PTPN14: variants seen among roughly 807,000 people sequenced by gnomAD.
PTPN14 encodes tyrosine-protein phosphatase non-receptor type 14.
PTPN14 carries 53 observed loss-of-function variants against 126.8 expected under a neutral mutation model. The ratio of observed to expected loss-of-function variants is 0.42; its 90% CI spans 0.34 to 0.53. The LOEUF is 0.53. Ranked by LOEUF, PTPN14 falls within the 20% of genes least tolerant of loss-of-function variation. The pLI is 0.08. For missense variants in PTPN14, 1,257 were observed against 1,552.9 expected (o/e 0.81, Z 3.20); for synonymous variants, 630 against 599.3 (o/e 1.05, Z -0.75).
rs1054125508 is a variant in PTPN14, at chr1:214,517,826, T to C, written c.-155+33357A>G. ...CAGGAGTCGTGGCACATGCCTGTAA[T>C]CCCAGCTACTCTAGAGGCTAAGGTG... On this transcript the variant is annotated intron_variant, in intron 1 of 18. Transcript: ENST00000366956. Among the ~76,000 whole-genome samples the C allele has an allele frequency of 2.0e-5, 3 of 152,214 alleles. No individual in the cohort carries two copies. In the East Asian group the frequency reaches 5.8e-4, roughly 29 times the overall value.
At chr1:214,505,595 C>T (rs1455008418) in intron 1 of PTPN14, among the ~76,000 whole-genome samples, 1 of 152,182 alleles carries the variant, frequency 6.6e-6, no homozygotes, top group Non-Finnish European at 1.5e-5. Flanking sequence ...CCTTTCATTA[C>T]TTTTTCTTAA....
chr1:214,375,648 T>A (rs978444515), intron 15 of PTPN14, among the ~76,000 whole-genome samples: 8 of 152,180 alleles, frequency 5.3e-5, no homozygotes, highest in Admixed American at 5.2e-4. Flanking sequence ...ACAACAAAAA[T>A]TTAGTAACAC....
chr1:214,471,296 C>T (rs1053973188), intron 1 of PTPN14, among the ~76,000 whole-genome samples: 3 of 152,016 alleles, frequency 2.0e-5, no homozygotes, highest in Non-Finnish European at 2.9e-5. Context: ...GTTCTAAGAA[C>T]CAAGGTTTAC....
At chr1:214,528,760 A>G (rs1424838944) in intron 1 of PTPN14, 1 of 152,058 alleles carries the variant, frequency 6.6e-6, no homozygotes, top group Admixed American at 6.6e-5. Context: ...GTGAAACTCC[A>G]TCTCTACTAA....
At chr1:214,546,418 G>A (rs544314583) in intron 1 of PTPN14, among the ~76,000 whole-genome samples, 129 of 152,288 alleles carry the variant, frequency 8.5e-4, no homozygotes, top group African/African-American at 3.0e-3. Context: ...TAGAAATAAA[G>A]TACACATTTC....
At chr1:214,402,739 AGTACAGAGCTGAGTCACGTG>A (rs1273051929) in intron 6 of PTPN14, 124 bp downstream of exon 6, 3 of 734,882 alleles carry the variant, frequency 4.1e-6, no homozygotes, top group Non-Finnish European at 6.3e-6. Flanking sequence ...GCAGAACGGA[AGTACAGAGCTGAGTCACGTG>A]GTGGAATAAA....
chr1:214,456,713 G>A (rs990223792), intron 2 of PTPN14, among the ~76,000 whole-genome samples: 1 of 152,142 alleles, frequency 6.6e-6, no homozygotes. Flanking sequence ...AGACGTACAA[G>A]TTAAGACTGG....
chr1:214,505,061 G>A (rs1393273869), intron 1 of PTPN14, among the ~76,000 whole-genome samples: 1 of 152,066 alleles, frequency 6.6e-6, no homozygotes, highest in Non-Finnish European at 1.5e-5. Flanking sequence ...CTTGTGGCCA[G>A]TCTCATGGAA....
intron 1 of PTPN14, among the ~76,000 whole-genome samples, chr1:214,541,477 A>G (rs986156126): frequency 6.6e-5 from 10 of 152,084 alleles, no homozygotes; most frequent in East Asian, 3.9e-4. Flanking sequence ...AGTATGAGAG[A>G]TTGAGAGTTG....
At chr1:214,526,110 C>T (rs749203013) in intron 1 of PTPN14, among the ~76,000 whole-genome samples, 1 of 151,918 alleles carries the variant, frequency 6.6e-6, no homozygotes, top group Admixed American at 6.6e-5. Context: ...GGATTACAGG[C>T]GCACACCACC....
chr1:214,454,864 G>C (rs1218249415), intron 2 of PTPN14, among the ~76,000 whole-genome samples: 3 of 152,122 alleles, frequency 2.0e-5, no homozygotes, highest in Non-Finnish European at 4.4e-5. Context: ...GGGGGAGGCA[G>C]GTAATCTGGA....
At chr1:214,380,919 A>C (rs3013448) in intron 13 of PTPN14, among the ~76,000 whole-genome samples, 125,829 of 152,142 alleles carry the variant, frequency 0.83, 52,751 homozygotes, top group African/African-American at 0.96. Context: ...TCCTAATCCA[A>C]CTCTAAGGTC....
chr1:214,489,333 CG>C (rs1558126416), intron 1 of PTPN14, among the ~76,000 whole-genome samples: 1 of 152,132 alleles, frequency 6.6e-6, no homozygotes, highest in East Asian at 1.9e-4. Context: ...AACCCAAAAC[CG>C]TATCCATCTG....
chr1:214,541,891 G>C (rs1000740913), intron 1 of PTPN14, among the ~76,000 whole-genome samples: 1 of 152,212 alleles, frequency 6.6e-6, no homozygotes, highest in African/African-American at 2.4e-5. Flanking sequence ...GAGCTGTGCA[G>C]AGCCTTGAGT....
intron 1 of PTPN14, among the ~76,000 whole-genome samples, chr1:214,480,451 A>C (rs554413980): frequency 6.6e-6 from 1 of 152,336 alleles, no homozygotes; most frequent in Admixed American, 6.5e-5. Context: ...GCTTTAGTAA[A>C]GGAGAATATT....
chr1:214,423,339 C>G (rs1018864809), intron 3 of PTPN14, among the ~76,000 whole-genome samples: 1 of 151,720 alleles, frequency 6.6e-6, no homozygotes, highest in Non-Finnish European at 1.5e-5. Flanking sequence ...CAACACCCCC[C>G]AAAAAAGAAA....
chr1:214,532,489 T>A, intron 1 of PTPN14: 1 of 879,778 alleles, frequency 1.1e-6, no homozygotes. Flanking sequence ...AGCCTGGAGA[T>A]CGAGAACTGG....
At chr1:214,408,598 G>A (rs1054466064) in intron 5 of PTPN14, among the ~76,000 whole-genome samples, 3 of 152,176 alleles carry the variant, frequency 2.0e-5, no homozygotes, top group African/African-American at 7.2e-5. Flanking sequence ...AAAGACCATA[G>A]AACTGACCAT....
intron 1 of PTPN14, among the ~76,000 whole-genome samples, chr1:214,542,946 C>T (rs144306534): frequency 1.4e-4 from 22 of 152,212 alleles, no homozygotes; most frequent in Middle Eastern, 3.4e-3. Context: ...GCTAAAATAA[C>T]GGTGAGAGCC....
Sources: allele counts gnomAD v4.1 joint callset (sites outside exome capture counted in the v4.1 genomes callset), GRCh38; gene constraint gnomAD v4.1.1; transcripts MANE v1.5; gene names NCBI Gene and HGNC (gene_info 2026-07-23, HGNC 2026-07-21).